The following SNX29 variants were observed in gnomAD, a reference collection of about 807,000 sequenced individuals.
The protein encoded by SNX29 is sorting nexin-29.
In SNX29, 78 loss-of-function variants were observed where a neutral mutation model predicts 102.1. The observed-to-expected ratio is 0.76, with a 90% CI of 0.64 to 0.92. The LOEUF (loss-of-function observed/expected upper bound fraction) is 0.92, where lower values mean the gene tolerates loss of function less well. Among genes scored for constraint, SNX29 ranks in the 40% least tolerant of loss-of-function variants. The pLI is 0.00. For synonymous variants in SNX29, 580 were observed against 414.5 expected (o/e 1.40, Z -4.85); for missense variants, 1,280 against 1,061.7 (o/e 1.21, Z -2.86).
At chr16:12,032,930 C>T (rs1374823914) in intron 4 of SNX29, among the ~76,000 whole-genome samples, 9 of 152,094 alleles carry the variant, frequency 5.9e-5, no homozygotes, top group Non-Finnish European at 2.9e-5. Flanking sequence ...TCTTGGCTCA[C>T]TGTAGCCTCC....
chr16:12,087,479 C>A, intron 11 of SNX29: 1 of 227,456 alleles, frequency 4.4e-6, no homozygotes, highest in Non-Finnish European at 8.8e-6. Flanking sequence ...TGTCTGTGGA[C>A]TCAGCTTCTT....
At chr16:12,123,477 A>G (rs1303660074) in intron 11 of SNX29, among the ~76,000 whole-genome samples, 1 of 152,194 alleles carries the variant, frequency 6.6e-6, no homozygotes, top group African/African-American at 2.4e-5. Context: ...ATATACATAT[A>G]CATCATATAC....
chr16:12,253,990 C>A (rs1470677820), intron 14 of SNX29, among the ~76,000 whole-genome samples: 1 of 152,106 alleles, frequency 6.6e-6, no homozygotes, highest in Non-Finnish European at 1.5e-5. Context: ...TTTCCAGGAA[C>A]ACGGGCTGTG....
chr16:12,542,586 C>A (rs531468697), intron 20 of SNX29, among the ~76,000 whole-genome samples: 1 of 152,334 alleles, frequency 6.6e-6, no homozygotes, highest in African/African-American at 2.4e-5. Context: ...CCCGCCTCAG[C>A]CTCCCAAAGT....
intron 18 of SNX29, among the ~76,000 whole-genome samples, chr16:12,450,003 G>A (rs2086234560): frequency 6.6e-6 from 1 of 152,154 alleles, no homozygotes. Flanking sequence ...CCCCCATACT[G>A]TTGTTATGAT....
chr16:12,344,797 C>T (rs968288849), intron 15 of SNX29, among the ~76,000 whole-genome samples: 66 of 152,328 alleles, frequency 4.3e-4, no homozygotes, highest in African/African-American at 1.4e-3. Flanking sequence ...AGGAGGCCAA[C>T]GCTGCGCTGC....
chr16:12,038,846 G>A (rs1430945258), intron 4 of SNX29: 2 of 152,210 alleles, frequency 1.3e-5, no homozygotes, highest in Admixed American at 6.5e-5. Flanking sequence ...GGGGTATTTC[G>A]AAATACGTTG....
intron 19 of SNX29, among the ~76,000 whole-genome samples, chr16:12,510,968 G>A (rs2089591773): frequency 6.6e-6 from 1 of 151,664 alleles, no homozygotes; most frequent in South Asian, 2.1e-4. Flanking sequence ...TTGAGCAAAA[G>A]CACTCCCCCA....
chr16:12,364,416 C>CTTCTTTTTTTTTTTTTTT (rs1555520124), intron 16 of SNX29, among the ~76,000 whole-genome samples: 8 of 98,790 alleles, frequency 8.1e-5, no homozygotes, highest in African/African-American at 2.3e-4. Context: ...CTCTCTTCTT[C>CTTCTTTTTTTTTTTTTTT]TTTTTTTTTT....
intron 11 of SNX29, among the ~76,000 whole-genome samples, chr16:12,082,853 A>C (rs1463329966): frequency 6.6e-6 from 1 of 152,002 alleles, no homozygotes; most frequent in Non-Finnish European, 1.5e-5. Context: ...AGAAATTTTG[A>C]GCGAAGGGTG....
chr16:12,442,929 G>A (rs1184096420), intron 18 of SNX29: 1 of 444,614 alleles, frequency 2.2e-6, no homozygotes, highest in Non-Finnish European at 4.5e-6. Context: ...GTTTGACACT[G>A]AACTTTGAAT....
At chr16:12,470,613 A>C (rs1380744518) in intron 18 of SNX29, among the ~76,000 whole-genome samples, 3 of 152,056 alleles carry the variant, frequency 2.0e-5, no homozygotes, top group Non-Finnish European at 4.4e-5. Context: ...TCATTTCCTG[A>C]ACTCTGCTGT....
chr16:12,249,021 A>G (rs2078344359), intron 14 of SNX29, among the ~76,000 whole-genome samples: 1 of 152,020 alleles, frequency 6.6e-6, no homozygotes, highest in Non-Finnish European at 1.5e-5. Flanking sequence ...GATAGTAAGG[A>G]GATGTTTTCT....
intron 4 of SNX29, among the ~76,000 whole-genome samples, chr16:12,036,614 G>A (rs1284081466): frequency 6.6e-6 from 1 of 151,896 alleles, no homozygotes; most frequent in Non-Finnish European, 1.5e-5. Flanking sequence ...GATTACAGGC[G>A]TGAGCCACCG....
At chr16:12,161,540 G>A (rs1275976609) in intron 13 of SNX29, among the ~76,000 whole-genome samples, 2 of 152,164 alleles carry the variant, frequency 1.3e-5, no homozygotes, top group Non-Finnish European at 2.9e-5. Context: ...AGGAGCGTAG[G>A]GTGGGCATCT....
chr16:12,114,539 GTGTT>G (rs1240974155), intron 11 of SNX29, among the ~76,000 whole-genome samples: 2 of 151,756 alleles, frequency 1.3e-5, no homozygotes, highest in East Asian at 3.9e-4. Flanking sequence ...CAGATGGCCC[GTGTT>G]TCAGTCCCGG....
chr16:12,340,266 A>T (rs2081573517), intron 15 of SNX29, among the ~76,000 whole-genome samples: 1 of 152,238 alleles, frequency 6.6e-6, no homozygotes, highest in South Asian at 2.1e-4. Context: ...CAGATGCAGA[A>T]TCTGGTCTCT....
At chr16:12,563,284 A>C (rs1446969762) in intron 20 of SNX29, among the ~76,000 whole-genome samples, 1 of 152,088 alleles carries the variant, frequency 6.6e-6, no homozygotes, top group Non-Finnish European at 1.5e-5. Flanking sequence ...CGGGTTCTGG[A>C]TCCACAGCTC....
chr16:12,220,783 G>A (rs973794353), intron 14 of SNX29, among the ~76,000 whole-genome samples: 3 of 151,994 alleles, frequency 2.0e-5, no homozygotes, highest in African/African-American at 4.8e-5. Context: ...GAAATTATCC[G>A]TCATTAGATG....
Sources: gnomAD v4.1 joint callset for allele counts (sites outside exome capture counted in the v4.1 genomes callset) on GRCh38, gnomAD v4.1.1 for gene constraint, MANE v1.5 for transcripts, NCBI Gene and HGNC (gene_info 2026-07-23, HGNC 2026-07-21) for gene names.